SEMA3C: variants seen among roughly 807,000 people sequenced by gnomAD.
SEMA3C encodes the protein semaphorin 3C.
Under a neutral mutation model 89.4 loss-of-function variants are expected in SEMA3C, and 47 were observed. The observed-to-expected ratio is 0.53, with a 90% confidence interval of 0.42 to 0.67. The LOEUF is 0.67. SEMA3C is among the 30% of genes least tolerant of loss of function. The pLI is 0.00. For synonymous variants in SEMA3C, 310 were observed against 320.2 expected (o/e 0.97, Z 0.34); for missense variants, 839 against 929.1 (o/e 0.90, Z 1.26).
chr7:80,755,540 TG>T (rs1562860249), intron 15 of SEMA3C, among the ~76,000 whole-genome samples: 1 of 151,718 alleles, frequency 6.6e-6, no homozygotes, highest in East Asian at 1.9e-4. Context: ...TATACAACTA[TG>T]GTAAAAGTCC....
rs766406232 is a variant in SEMA3C, at chr7:80,748,800, G to A, written c.1842+98C>T. On this transcript the variant is annotated intron_variant, in intron 17 of 17. Coordinates refer to ENST00000265361, the MANE Select transcript of SEMA3C (RefSeq NM_006379.5). The stretch of plus-strand genomic sequence containing the variant: ...CCAAAGACGTAAAAGATGATCATAT[G>A]CCTTTCCTTTTTCCTTTGATCTGAG... The A allele has an allele frequency of 2.3e-4, 275 of 1,196,086 alleles. 2 individuals are homozygous for A. Among genetic ancestry groups the A allele is most frequent in the Admixed American group, 4.3e-4 (17 of 39,134 alleles). The allele number at this position is 1,196,086 out of a possible 1,614,324, so 74.1% of individuals were successfully genotyped here. A position where few individuals can be genotyped will look rare whatever the true frequency, so the allele number is the denominator to read the frequency against.
At chr7:80,848,968 A>G (rs573319350) in intron 2 of SEMA3C, among the ~76,000 whole-genome samples, 20 of 152,230 alleles carry the variant, frequency 1.3e-4, no homozygotes, top group Admixed American at 5.2e-4. Context: ...TGGAGAGATG[A>G]TAAGATCTCT....
rs146848801 is a variant in SEMA3C at position 80,871,943 on chromosome 7, A to C, written c.104-43198T>G. ...CATTACATAGTAATATAAATATAAA[A>C]ATTTCCTTTTTCACTACAAAATAAC... On this transcript the variant is annotated intron_variant, in intron 2 of 17. Coordinates refer to ENST00000265361, the MANE Select transcript of SEMA3C (RefSeq NM_006379.5). Among the ~76,000 whole-genome samples the C allele has an allele frequency of 6.0e-4, 91 of 152,126 alleles. No homozygotes were observed. In the East Asian group the frequency reaches 0.018, roughly 29 times the overall value.
chr7:80,907,737 C>T (rs1210298730), intron 2 of SEMA3C, among the ~76,000 whole-genome samples: 1 of 151,982 alleles, frequency 6.6e-6, no homozygotes, highest in Non-Finnish European at 1.5e-5. Context: ...TGGCAACTGA[C>T]ACAAATTAAA....
intron 15 of SEMA3C, among the ~76,000 whole-genome samples, chr7:80,758,000 T>C (rs76627715): frequency 0.12 from 17,795 of 152,008 alleles, 1,066 homozygotes; most frequent in Admixed American, 0.15. Flanking sequence ...ATTAAAAAGA[T>C]ATAAATTAGG....
chr7:80,823,893 G>A (rs147349785), intron 4 of SEMA3C, among the ~76,000 whole-genome samples: 7 of 152,256 alleles, frequency 4.6e-5, no homozygotes, highest in Non-Finnish European at 1.0e-4. Flanking sequence ...AATAAATGGA[G>A]CATGTAGGAA....
chr7:80,833,063 A>C (rs1790043972), intron 2 of SEMA3C, among the ~76,000 whole-genome samples: 1 of 152,178 alleles, frequency 6.6e-6, no homozygotes, highest in South Asian at 2.1e-4. Context: ...TTAGCTGGGA[A>C]AATAGGCTCA....
chr7:80,887,149 A>G (rs1791502879), intron 2 of SEMA3C, among the ~76,000 whole-genome samples: 2 of 152,168 alleles, frequency 1.3e-5, no homozygotes, highest in Non-Finnish European at 2.9e-5. Flanking sequence ...CAGATCCAAA[A>G]TTTAAGGCAT....
intron 2 of SEMA3C, among the ~76,000 whole-genome samples, chr7:80,842,468 C>T (rs1790291985): frequency 6.6e-6 from 1 of 152,148 alleles, no homozygotes; most frequent in South Asian, 2.1e-4. Flanking sequence ...TTACAAAATG[C>T]TGCTACCCCA....
At chr7:80,772,943 G>A (rs192192119) in intron 12 of SEMA3C, among the ~76,000 whole-genome samples, 1 of 152,180 alleles carries the variant, frequency 6.6e-6, no homozygotes, top group Non-Finnish European at 1.5e-5. Flanking sequence ...TACAGATGCT[G>A]GCTCCCACAT....
intron 4 of SEMA3C, among the ~76,000 whole-genome samples, chr7:80,827,110 G>T (rs1292930636): frequency 6.6e-6 from 1 of 152,056 alleles, no homozygotes; most frequent in Non-Finnish European, 1.5e-5. Context: ...CATTATCATC[G>T]TTTCAGGAGC....
chr7:80,810,743 A>C (rs778967361), intron 5 of SEMA3C, 42 bp from the exon 6 acceptor site: 2 of 1,419,848 alleles, frequency 1.4e-6, no homozygotes, highest in Non-Finnish European at 2.0e-6. Flanking sequence ...ATGATAACTT[A>C]TTTAGTGAAG....
chr7:80,860,179 T>C (rs550278634), intron 2 of SEMA3C, among the ~76,000 whole-genome samples: 3 of 152,258 alleles, frequency 2.0e-5, no homozygotes, highest in East Asian at 3.9e-4. Context: ...AAATGAACTA[T>C]TGGTTAGTTT....
chr7:80,900,650 G>T (rs1407218212), intron 2 of SEMA3C, among the ~76,000 whole-genome samples: 3 of 152,178 alleles, frequency 2.0e-5, no homozygotes, highest in Non-Finnish European at 4.4e-5. Flanking sequence ...TTCTACATTT[G>T]CCTCAGCTAG....
chr7:80,902,886 C>T (rs1791917057), intron 2 of SEMA3C, among the ~76,000 whole-genome samples: 1 of 152,118 alleles, frequency 6.6e-6, no homozygotes, highest in African/African-American at 2.4e-5. Flanking sequence ...TACGTGAAAA[C>T]AGCAGGATTA....
rs529987801 is a variant in SEMA3C, at chr7:80,744,164, T to G, written c.*730A>C. 1.3e-5 allele frequency: 2 copies of G among 152,272 alleles called. No homozygotes were observed. The highest frequency in any genetic ancestry group is 4.1e-4 in the South Asian group (2 of 4,824). The allele number at this position is 152,272 out of a possible 1,614,324, so 9.4% of individuals were successfully genotyped here. ...TAACTTCCAAAAAAAGTAAGTGCTT[T>G]TGTTTGGAAGGTGATAACATAAGAA... On this transcript the variant is annotated 3_prime_UTR_variant, in exon 18 of 18. Coordinates refer to ENST00000265361, the MANE Select transcript of SEMA3C (RefSeq NM_006379.5).
intron 4 of SEMA3C, among the ~76,000 whole-genome samples, chr7:80,826,202 T>C (rs1262396972): frequency 1.3e-5 from 2 of 152,218 alleles, no homozygotes; most frequent in East Asian, 1.9e-4. Context: ...ATTTCCACTT[T>C]CCACAGGATT....
intron 6 of SEMA3C, among the ~76,000 whole-genome samples, chr7:80,810,202 AT>A (rs1789435012): frequency 6.6e-6 from 1 of 152,170 alleles, no homozygotes; most frequent in African/African-American, 2.4e-5. Context: ...TATCCTATAA[AT>A]ATATACAATT....
rs751534207 is a variant in SEMA3C, at chr7:80,745,259, G to A, written c.1891C>T (p.Arg631Cys). ...IIATSQGLLI[R>C]SVQGSDQGLY... ...CCTTGGTCAGAACCCTGAACAGAGC[G>A]GATCAGGAGTCCCTGTGAAGTGGCT... Residue 631 changes from arginine to cysteine, a missense_variant, in exon 18 of 18, where the codon CGC (arginine) becomes TGC (cysteine). By Grantham distance (180) the Arg-to-Cys change is radical. Transcript: ENST00000265361. The A allele has an allele frequency of 1.1e-5, 17 of 1,613,904 alleles. No homozygotes were observed. The highest frequency in any genetic ancestry group is 4.5e-5 in the East Asian group (2 of 44,858).
Sources: gnomAD v4.1 joint callset for allele counts (sites outside exome capture counted in the v4.1 genomes callset) on GRCh38, gnomAD v4.1.1 for gene constraint, MANE v1.5 for transcripts, NCBI Gene and HGNC (gene_info 2026-07-23, HGNC 2026-07-21) for gene names.